The following ATP6V1C2 variants were observed in gnomAD, a reference collection of about 807,000 sequenced individuals.
ATP6V1C2 encodes V-type proton ATPase subunit C 2.
A neutral mutation model predicts 56.8 loss-of-function variants in ATP6V1C2; 45 were observed. That is an observed-to-expected ratio of 0.79 (90% CI 0.62 to 1.02). The LOEUF (loss-of-function observed/expected upper bound fraction) is 1.02, where lower values mean the gene tolerates loss of function less well. ATP6V1C2 is among the 50% of genes least tolerant of loss of function. The pLI is 0.00. For synonymous variants in ATP6V1C2, 220 were observed against 201.3 expected (o/e 1.09, Z -0.79); for missense variants, 463 against 519.7 (o/e 0.89, Z 1.06).
At chr2:10,772,851 A>ACGCTGC (rs1431112891) in intron 8 of ATP6V1C2, among the ~76,000 whole-genome samples, 7 of 151,960 alleles carry the variant, frequency 4.6e-5, no homozygotes, top group East Asian at 1.9e-4. Context: ...CCCTGGCCCC[A>ACGCTGC]CCTGGCCGAG....
At chr2:10,737,897 T>C (rs780832482) in intron 3 of ATP6V1C2, among the ~76,000 whole-genome samples, 1 of 152,194 alleles carries the variant, frequency 6.6e-6, no homozygotes. Context: ...TTTTGCCACA[T>C]TGGCCAGGTT....
At chr2:10,759,228 G>A (rs777375817) in intron 4 of ATP6V1C2, among the ~76,000 whole-genome samples, 4 of 152,208 alleles carry the variant, frequency 2.6e-5, no homozygotes, top group Non-Finnish European at 4.4e-5. Context: ...TCTTGGCTTC[G>A]TCAGGACCGG....
intron 5 of ATP6V1C2, among the ~76,000 whole-genome samples, chr2:10,766,180 A>G (rs928444893): frequency 5.3e-5 from 8 of 152,174 alleles, no homozygotes; most frequent in African/African-American, 1.9e-4. Context: ...GAAGCCCTGG[A>G]CTGGCCCAAC....
rs146332957 is a variant in ATP6V1C2, at chr2:10,774,849, G to C, written c.700G>C (p.Glu234Gln). Reference protein sequence around the residue: ...FTVTLFRKVIEDFKTKAKENK... With the variant: ...FTVTLFRKVIQDFKTKAKENK... ...TGTGACTCTGTTTCGAAAAGTGATT[G>C]AAGATTTCAAAACCAAGGCCAAAGA... The change falls in exon 9 of 14, where the codon GAA (glutamate) becomes CAA (glutamine). Residue 234 changes from glutamate (E) to glutamine (Q), a missense_variant. Physicochemically the swap from Glu to Gln is conservative, Grantham distance 29. Transcript: ENST00000272238. 8.5e-5 allele frequency: 137 copies of C among 1,614,198 alleles called. No individual in the cohort carries two copies. In the African/African-American group the frequency reaches 1.8e-3, roughly 21 times the overall value.
chr2:10,785,109 AAC>A (rs1203190889), exon 14 of ATP6V1C2: 1 of 981,004 alleles, frequency 1.0e-6, no homozygotes, highest in African/African-American at 1.6e-5. Context: ...CTTTAAAAAT[AAC>A]AGTCTGCCTA....
intron 10 of ATP6V1C2, among the ~76,000 whole-genome samples, chr2:10,777,158 T>C (rs1665043379): frequency 1.3e-5 from 2 of 152,206 alleles, no homozygotes; most frequent in African/African-American, 4.8e-5. Context: ...TCCTGCACTC[T>C]GCATGCCGAG....
chr2:10,777,752 C>G lies in ATP6V1C2; in HGVS notation c.963+30C>G, dbSNP rs1572620364. Reference sequence around the variant, plus strand: ...GCAACGCCCCGGGAACCCCGGGGTCCCTGGCTCACATCTCCTCGCCAGCTC... The same window carrying G: ...GCAACGCCCCGGGAACCCCGGGGTCGCTGGCTCACATCTCCTCGCCAGCTC... On this transcript the variant is annotated intron_variant, in intron 11 of 13. Transcript: ENST00000272238. 5 of 1,586,858 alleles carry G rather than the reference C, an allele frequency of 3.2e-6. No individual in the cohort carries two copies. In the East Asian group the frequency reaches 1.1e-4, roughly 36 times the overall value.
intron 3 of ATP6V1C2, among the ~76,000 whole-genome samples, chr2:10,739,208 G>A (rs571913174): frequency 1.3e-5 from 2 of 152,098 alleles, no homozygotes; most frequent in South Asian, 4.2e-4. Flanking sequence ...GCTTGAACCC[G>A]GGAGACGGAG....
intron 3 of ATP6V1C2, among the ~76,000 whole-genome samples, chr2:10,728,024 A>G (rs1429907506): frequency 1.3e-5 from 2 of 152,220 alleles, no homozygotes; most frequent in Non-Finnish European, 2.9e-5. Context: ...AGAGATAGCC[A>G]ATACATGCAC....
rs55787913 is a variant in ATP6V1C2 at position 10,750,528 on chromosome 2, C to CAAA, written c.198-3443_198-3441dup. 3.0e-4 allele frequency among the ~76,000 whole-genome samples: 43 copies of CAAA among 143,728 alleles called. 1 individual carries two copies. In the East Asian group the frequency reaches 7.8e-3, roughly 26 times the overall value. The allele number at this position is 143,728 out of a possible 152,430, so 94.3% of individuals were successfully genotyped here. On this transcript the variant is annotated intron_variant, in intron 3 of 13. Coordinates refer to ENST00000272238, the MANE Select transcript of ATP6V1C2 (RefSeq NM_001039362.2). ...GAGACCCTGTCTCAAAAACGAAAAGCAAAAAAAAAAAACAAAACAAAACCT... is the reference window on the plus strand; with the variant it reads ...GAGACCCTGTCTCAAAAACGAAAAGCAAAAAAAAAAAAAAACAAAACAAAACCT...
intron 4 of ATP6V1C2, 139 bp from the exon 5 acceptor site, chr2:10,764,192 G>A: frequency 1.5e-6 from 1 of 685,028 alleles, no homozygotes. Flanking sequence ...TGCTTTTCCA[G>A]AGCCCTGTGC....
At chr2:10,749,178 A>G (rs72777372) in intron 3 of ATP6V1C2, among the ~76,000 whole-genome samples, 27,703 of 149,446 alleles carry the variant, frequency 0.19, 2,995 homozygotes, top group East Asian at 0.36. Flanking sequence ...CACCTAAAAA[A>G]TTATATATAT....
chr2:10,778,472 TCTC>T (rs1224567296), intron 11 of ATP6V1C2, 97 bp from the exon 12 acceptor site: 3 of 1,107,368 alleles, frequency 2.7e-6, no homozygotes, highest in Non-Finnish European at 2.7e-6. Flanking sequence ...GGGCACTTCT[TCTC>T]AGCTCAGGGC....
rs368898997 is a variant in ATP6V1C2, at chr2:10,778,711, G to A, written c.1061+42G>A. The A allele has an allele frequency of 4.4e-6, 7 of 1,600,470 alleles. No homozygotes were observed. The African/African-American group carries it at 6.7e-5, about 15-fold the overall frequency. On this transcript the variant is annotated intron_variant, in intron 12 of 13. Coordinates refer to ENST00000272238, the MANE Select transcript of ATP6V1C2 (RefSeq NM_001039362.2). ...CCCCGGCTGGGACTGTCCTGAGGAT[G>A]GGCAGGGTCTGGGGGAGCTATCGGG... is the stretch of plus-strand genomic sequence containing the variant.
At chr2:10,764,864 G>A (rs1385561077) in intron 5 of ATP6V1C2, among the ~76,000 whole-genome samples, 2 of 152,034 alleles carry the variant, frequency 1.3e-5, no homozygotes, top group Non-Finnish European at 2.9e-5. Flanking sequence ...CTTGCTGCTC[G>A]GGAGGTTGAG....
chr2:10,776,230 CCCT>C (rs1664964509), intron 10 of ATP6V1C2, among the ~76,000 whole-genome samples: 1 of 152,030 alleles, frequency 6.6e-6, no homozygotes, highest in Admixed American at 6.6e-5. Context: ...GGGTTTTTCA[CCCT>C]CCTCCTCCGA....
intron 5 of ATP6V1C2, chr2:10,767,999 ATTTTC>A (rs1664339053): frequency 6.6e-6 from 1 of 152,072 alleles, no homozygotes; most frequent in African/African-American, 2.4e-5. Flanking sequence ...TGGAGCACCC[ATTTTC>A]TTCATCTGTT....
chr2:10,722,741 G>A, intron 1 of ATP6V1C2, 83 bp from the exon 2 acceptor site: 1 of 1,416,336 alleles, frequency 7.1e-7, no homozygotes, highest in South Asian at 1.3e-5. Flanking sequence ...ATGAATTGGA[G>A]GGTAGGGAGT....
Position 10,780,144 on chromosome 2 carries a change from C to T in ATP6V1C2, c.1061+1475C>T, listed in dbSNP as rs1234947340. On this transcript the variant is annotated intron_variant, in intron 12 of 13. Transcript: ENST00000272238. This position sits in a 1 kb window ranked among gnomAD's most constrained non-coding sequence, Gnocchi z 4.1. ...CATGTTCCCTGGTTTCCAGGTCCTG[C>T]CATCTGCCTGCCGTAGGCTTTACCT... Among the ~76,000 whole-genome samples the T allele has an allele frequency of 3.3e-5, 5 of 152,268 alleles. No individual in the cohort carries two copies. Among genetic ancestry groups the T allele is most frequent in the East Asian group, 1.9e-4 (1 of 5,158 alleles).
Sources: allele counts gnomAD v4.1 joint callset (sites outside exome capture counted in the v4.1 genomes callset), GRCh38; gene constraint gnomAD v4.1.1; non-coding constraint Gnocchi (gnomAD v3.1); transcripts MANE v1.5; gene names NCBI Gene and HGNC (gene_info 2026-07-23, HGNC 2026-07-21).